Variants in EPB41 observed in about 807,000 individuals in gnomAD.
EPB41 encodes the protein protein 4.1.
Under a neutral mutation model 108.0 loss-of-function variants are expected in EPB41, and 65 were observed. The observed-to-expected ratio is 0.60, with a 90% CI of 0.49 to 0.74. The LOEUF is 0.74. Ranked by LOEUF, EPB41 falls within the 30% of genes least tolerant of loss-of-function variation. EPB41 has a pLI of 0.00. For missense variants in EPB41, 875 were observed against 1,037.0 expected (o/e 0.84, Z 2.15); for synonymous variants, 336 against 358.9 (o/e 0.94, Z 0.72).
intron 10 of EPB41, 115 bp from the exon 11 acceptor site, chr1:29,039,139 A>C: frequency 1.7e-6 from 2 of 1,196,038 alleles, no homozygotes; most frequent in South Asian, 2.9e-5. Context: ...TAGTAACTAT[A>C]TGGAAACCCT....
intron 9 of EPB41, 115 bp from the exon 10 acceptor site, chr1:29,035,711 A>G (rs1177292796): frequency 2.6e-6 from 2 of 777,506 alleles, no homozygotes; most frequent in African/African-American, 3.5e-5. Flanking sequence ...ATGTCCTTAA[A>G]TTGGTAACAA....
intron 5 of EPB41, among the ~76,000 whole-genome samples, chr1:29,015,264 A>C (rs2150010862): frequency 6.6e-6 from 1 of 151,600 alleles, no homozygotes; most frequent in Middle Eastern, 3.5e-3. Flanking sequence ...TTAATATAAA[A>C]AGAGAAATGT....
chr1:28,983,694 G>A (rs1026707156), intron 1 of EPB41, among the ~76,000 whole-genome samples: 2 of 152,270 alleles, frequency 1.3e-5, no homozygotes, highest in African/African-American at 4.8e-5. Context: ...AAGGCCACGC[G>A]GGCCTCACAG....
chr1:29,028,916 C>T (rs1260313051), intron 7 of EPB41, among the ~76,000 whole-genome samples: 3 of 151,988 alleles, frequency 2.0e-5, no homozygotes, highest in Non-Finnish European at 2.9e-5. Flanking sequence ...GTGGCATGCA[C>T]CTGTAGACCC....
At chr1:29,096,291 T>C in intron 16 of EPB41, 3 of 985,928 alleles carry the variant, frequency 3.0e-6, no homozygotes, top group Non-Finnish European at 3.6e-6. Context: ...TCGGAGTCTC[T>C]GCAAAGCTTT....
At chr1:29,051,780 C>T (rs1038976148) in intron 11 of EPB41, among the ~76,000 whole-genome samples, 2 of 151,946 alleles carry the variant, frequency 1.3e-5, no homozygotes, top group African/African-American at 2.4e-5. Flanking sequence ...TGCCTGTAGT[C>T]CCAGCTACTG....
In EPB41 at chr1:29,119,081, C is replaced by T. The variant is rs1391695640; in HGVS notation, c.*2269C>T. On this transcript the variant is annotated 3_prime_UTR_variant, in exon 21 of 21. Transcript: ENST00000343067. ...CCGTTCATCGGGGGCCTAAACGTTT[C>T]CCTCAGCTCTGTCACCAACTCACTT... The T allele has an allele frequency of 1.3e-5, 2 of 152,284 alleles. No homozygotes were observed. Among genetic ancestry groups the T allele is most frequent in the Non-Finnish European group, 2.9e-5 (2 of 68,066 alleles). 9.4% of individuals were successfully genotyped at this position (152,284 alleles called of 1,614,324 possible).
intron 2 of EPB41, among the ~76,000 whole-genome samples, chr1:28,989,586 A>G (rs2095957525): frequency 6.6e-6 from 1 of 152,224 alleles, no homozygotes; most frequent in Non-Finnish European, 1.5e-5. Flanking sequence ...TTGTATATTC[A>G]AAGTGCTGAG....
At chr1:28,949,728 C>T (rs868340974) in intron 1 of EPB41, among the ~76,000 whole-genome samples, 5 of 151,822 alleles carry the variant, frequency 3.3e-5, no homozygotes, top group Middle Eastern at 3.2e-3. Flanking sequence ...CTCAGCCTCC[C>T]GAGTAGCTGG....
chr1:28,919,580 C>T (rs2092929525), intron 1 of EPB41, among the ~76,000 whole-genome samples: 1 of 152,110 alleles, frequency 6.6e-6, no homozygotes, highest in Non-Finnish European at 1.5e-5. Flanking sequence ...TCTTCCGCCT[C>T]AGCCTCCTGA....
chr1:28,991,781 T>G (rs2096026738), intron 2 of EPB41, among the ~76,000 whole-genome samples: 1 of 151,748 alleles, frequency 6.6e-6, no homozygotes. Context: ...AATTGTATGA[T>G]CCTAGGCAAG....
chr1:29,013,600 C>G (rs2096537231), intron 5 of EPB41, among the ~76,000 whole-genome samples: 1 of 152,078 alleles, frequency 6.6e-6, no homozygotes, highest in Non-Finnish European at 1.5e-5. Flanking sequence ...GATTTCGGCT[C>G]ACTGCAACCT....
At chr1:29,055,349 G>A (rs983282224) in intron 12 of EPB41, among the ~76,000 whole-genome samples, 2 of 152,164 alleles carry the variant, frequency 1.3e-5, no homozygotes, top group Non-Finnish European at 2.9e-5. Context: ...TAGTGGCTAA[G>A]ATTCCTCTGG....
intron 1 of EPB41, among the ~76,000 whole-genome samples, chr1:28,925,340 G>A (rs1470838386): frequency 6.6e-6 from 1 of 152,044 alleles, no homozygotes; most frequent in Non-Finnish European, 1.5e-5. Flanking sequence ...TTGAACTCCT[G>A]GGCTCAAGTA....
At chr1:29,030,924 G>A (rs1050224786) in intron 8 of EPB41, among the ~76,000 whole-genome samples, 1 of 151,940 alleles carries the variant, frequency 6.6e-6, no homozygotes, top group Non-Finnish European at 1.5e-5. Context: ...CCAGGTTCAC[G>A]CCATTCTCCT....
At chr1:28,946,861 G>C (rs2094505498) in intron 1 of EPB41, among the ~76,000 whole-genome samples, 1 of 152,138 alleles carries the variant, frequency 6.6e-6, no homozygotes, top group South Asian at 2.1e-4. Flanking sequence ...GGCAAACAAG[G>C]TATTAGCAAA....
chr1:29,101,146 C>T (rs1484692793), intron 17 of EPB41, among the ~76,000 whole-genome samples: 2 of 151,848 alleles, frequency 1.3e-5, no homozygotes, highest in Non-Finnish European at 2.9e-5. Context: ...ATCGCTTGAA[C>T]CCGGGAGGTG....
Position 28,987,468 on chromosome 1 carries a change from G to T in EPB41, c.31G>T (p.Ala11Ser). MTTEKSLVTE[A>S]ENSQHQQKEE... is the part of the protein sequence containing the mutation. ...AACAGAGAAGAGTTTAGTGACTGAG[G>T]CCGAAAATTCACAGCACCAACAGAA... Residue 11 changes from alanine (A) to serine (S), a missense_variant, in exon 2 of 21, where the codon GCC becomes TCC. By Grantham distance (99) the Ala-to-Ser change is moderately conservative. Coordinates refer to ENST00000343067, the MANE Select transcript of EPB41 (RefSeq NM_001376013.1). 6.2e-7 allele frequency: 1 copy of T among 1,614,120 alleles called. No individual in the cohort carries two copies. Among genetic ancestry groups the T allele is most frequent in the Non-Finnish European group, 8.5e-7 (1 of 1,180,014 alleles).
Position 28,899,606 on chromosome 1 carries a change from C to T in EPB41, c.-8+12396C>T, listed in dbSNP as rs546740663. Among the ~76,000 whole-genome samples, 326 of 152,224 alleles carry T rather than the reference C, an allele frequency of 2.1e-3. 1 individual carries two copies. Among genetic ancestry groups the T allele is most frequent in the African/African-American group, 7.4e-3 (306 of 41,544 alleles). ...TGGACTGTGAACTTGGAACCATCCTCGGGAGCTAGGATGACTTGAAGACTT... is the reference window on the plus strand; with the variant it reads ...TGGACTGTGAACTTGGAACCATCCTTGGGAGCTAGGATGACTTGAAGACTT... On this transcript the variant is annotated intron_variant, in intron 1 of 16. Coordinates refer to the EPB41 transcript ENST00000347529.
Sources: allele counts gnomAD v4.1 joint callset (sites outside exome capture counted in the v4.1 genomes callset), GRCh38; gene constraint gnomAD v4.1.1; transcripts MANE v1.5; gene names NCBI Gene and HGNC (gene_info 2026-07-23, HGNC 2026-07-21).